The following NIPBL variants were observed in gnomAD, a reference collection of about 807,000 sequenced individuals.
NIPBL encodes nipped-B-like protein.
A neutral mutation model predicts 321.8 loss-of-function variants in NIPBL; 19 were observed. That is an observed-to-expected ratio of 0.06 (90% CI 0.04 to 0.09). The LOEUF (loss-of-function observed/expected upper bound fraction) is 0.09. Among genes scored for constraint, NIPBL ranks in the 10% least tolerant of loss-of-function variants. The pLI is 1.00. For missense variants in NIPBL, 2,210 were observed against 3,327.0 expected (o/e 0.66, Z 8.26); for synonymous variants, 1,106 against 1,114.1 (o/e 0.99, Z 0.14).
intron 36 of NIPBL, 58 bp from the exon 37 acceptor site, chr5:37,045,385 C>T: frequency 7.4e-7 from 1 of 1,343,800 alleles, no homozygotes; most frequent in Non-Finnish European, 1.0e-6. Context: ...GTAGTAATTA[C>T]TTGAACTTAG....
intron 1 of NIPBL, among the ~76,000 whole-genome samples, chr5:36,921,773 G>A (rs1748960732): frequency 1.3e-5 from 2 of 152,066 alleles, no homozygotes; most frequent in Admixed American, 6.6e-5. Context: ...AACTTTAACT[G>A]TATTGAGTTT....
At chr5:37,044,270 C>T (rs1752752801) in intron 34 of NIPBL, 77 bp from the exon 35 acceptor site, 3 of 1,349,924 alleles carry the variant, frequency 2.2e-6, no homozygotes, top group African/African-American at 1.5e-5. Flanking sequence ...CCTATTTCTG[C>T]CCCCAAATAC....
chr5:37,050,039 G>A (rs1248231462), intron 40 of NIPBL, among the ~76,000 whole-genome samples: 3 of 152,056 alleles, frequency 2.0e-5, no homozygotes, highest in Non-Finnish European at 2.9e-5. Context: ...TCATGACTCC[G>A]GGCTATTATC....
In NIPBL at chr5:37,026,281, A is replaced by T. The variant is rs587783983; in HGVS notation, c.5762A>T (p.Asn1921Ile). ...CTCTGGTTTACTCCAACTCCACACA[A>T]TGACAAAGAAGCAATGACAAGGAAA... ...QKLWFTPTPH[N>I]DKEAMTRKIL... Residue 1921 changes from asparagine to isoleucine, a missense_variant, in exon 31 of 47, where the codon AAT becomes ATT. This residue lies in a region of NIPBL where 69 missense variants were observed against 100.8 expected (regional missense o/e 0.68). Coordinates refer to ENST00000282516, the MANE Select transcript of NIPBL (RefSeq NM_133433.4). 3 of 1,612,378 alleles carry T rather than the reference A, an allele frequency of 1.9e-6. No homozygotes were observed. In the Admixed American group the frequency reaches 5.0e-5, roughly 27 times the overall value.
chr5:36,906,842 G>T (rs1217813918), intron 1 of NIPBL, among the ~76,000 whole-genome samples: 1 of 152,120 alleles, frequency 6.6e-6, no homozygotes, highest in African/African-American at 2.4e-5. Context: ...TCCTCAAGGG[G>T]AATTATTGTT....
chr5:36,958,143 T>TGAC lies in NIPBL; in HGVS notation c.271_273dup (p.Asp91dup). The TGAC allele has an allele frequency of 6.2e-7, 1 of 1,614,074 alleles. No individual in the cohort carries two copies. Among genetic ancestry groups the TGAC allele is most frequent in the South Asian group, 1.1e-5 (1 of 91,084 alleles). The stretch of plus-strand genomic sequence containing the variant: ...ACCTTGGCAGTGATGACCCAGAAGG[T>TGAC]GACATACCAGTCTTGTTGCAGGCCG... On this transcript the variant is annotated inframe_insertion, in exon 4 of 47. Transcript: ENST00000282516.
intron 43 of NIPBL, 136 bp from the exon 44 acceptor site, chr5:37,058,755 C>T: frequency 1.5e-6 from 1 of 679,304 alleles, no homozygotes. Context: ...GATTACATAT[C>T]CAGTTGTTGA....
chr5:36,970,776 CTG>C (rs1230347535), intron 6 of NIPBL, 98 bp from the exon 7 acceptor site: 1 of 1,043,622 alleles, frequency 9.6e-7, no homozygotes, highest in Non-Finnish European at 1.5e-6. Context: ...ATATTATTCT[CTG>C]TAATTTCTAT....
In NIPBL at chr5:36,985,780, A is replaced by T. The variant is rs957042582; in HGVS notation, c.2600A>T (p.Glu867Val). ...KSDSSKTDKL[E>V]RKHRHESGDS... Reference sequence around the variant, plus strand: ...GATAGTTCAAAAACTGATAAACTAGAACGAAAACACAGGCATGAATCAGGG... The same window carrying T: ...GATAGTTCAAAAACTGATAAACTAGTACGAAAACACAGGCATGAATCAGGG... The change falls in exon 10 of 47, where the codon GAA (glutamate) becomes GTA (valine). Residue 867 changes from glutamate (E) to valine (V), a missense_variant. Physicochemically the swap from Glu to Val is moderately radical, Grantham distance 121. This residue lies in a region of NIPBL where 588 missense variants were observed against 564.1 expected (regional missense o/e 1.04). Coordinates refer to ENST00000282516, the MANE Select transcript of NIPBL (RefSeq NM_133433.4). 1 of 1,613,762 alleles carries T rather than the reference A, an allele frequency of 6.2e-7. No individual in the cohort carries two copies. Among genetic ancestry groups the T allele is most frequent in the African/African-American group, 1.3e-5 (1 of 74,964 alleles).
intron 38 of NIPBL, among the ~76,000 whole-genome samples, chr5:37,047,719 C>T (rs1753127061): frequency 6.6e-6 from 1 of 152,170 alleles, no homozygotes; most frequent in African/African-American, 2.4e-5. Flanking sequence ...CCATAGTTAT[C>T]CTGAGTGACC....
chr5:37,064,735 G>A lies in NIPBL; in HGVS notation c.8258G>A (p.Arg2753His), dbSNP rs1360836577. ...AGTGGCTCCTGGACTGAGGCTAAGCGCCGTGATGGCCGCAAACTGGTGCCT... is the reference window on the plus strand; with the variant it reads ...AGTGGCTCCTGGACTGAGGCTAAGCACCGTGATGGCCGCAAACTGGTGCCT... The part of the protein sequence containing the change: ...SYSGSWTEAK[R>H]RDGRKLVPWV... The change falls in exon 47 of 47, where the codon CGC (arginine) becomes CAC (histidine). Residue 2753 changes from arginine (R) to histidine (H), a missense_variant. Arg to His is a conservative substitution (Grantham distance 29). Transcript: ENST00000282516. 11 of 1,614,044 alleles carry A rather than the reference G, an allele frequency of 6.8e-6. No individual in the cohort carries two copies. The highest frequency in any genetic ancestry group is 4.5e-5 in the East Asian group (2 of 44,900).
chr5:36,995,830 T>C (rs986138632), intron 11 of NIPBL, 26 bp downstream of exon 11: 3 of 1,590,862 alleles, frequency 1.9e-6, no homozygotes, highest in African/African-American at 1.3e-5. Flanking sequence ...CTCTTTGTTA[T>C]TATTTTAGAG....
chr5:36,891,592 T>A (rs79797233), intron 1 of NIPBL, among the ~76,000 whole-genome samples: 1 of 152,024 alleles, frequency 6.6e-6, no homozygotes, highest in African/African-American at 2.4e-5. Context: ...GAACATAGGC[T>A]GGAAAAGGGG....
At chr5:37,041,518 G>A (rs1752370582) in intron 34 of NIPBL, among the ~76,000 whole-genome samples, 1 of 151,458 alleles carries the variant, frequency 6.6e-6, no homozygotes, top group Non-Finnish European at 1.5e-5. Context: ...CCCCGCCTTG[G>A]CCTCCCAAAG....
rs1269939623 is a variant in NIPBL at position 36,970,877 on chromosome 5, A to T, written c.612A>T (p.Ala204=). The T allele has an allele frequency of 6.2e-7, 1 of 1,612,726 alleles. No homozygotes were observed. The highest frequency in any genetic ancestry group is 1.3e-5 in the African/African-American group (1 of 74,880). ...SYTTHPQMQQ[A]SVSSPIVAGG... is the part of the protein sequence containing the mutation. ...TTTTTTTATTCTTATTAATTTCAGC[A>T]TCGGTATCAAGTCCCATTGTTGCAG... The change falls in exon 7 of 47, where the codon GCA becomes GCT. Residue 204 remains alanine (A), a splice_region_variant and synonymous_variant. Coordinates refer to ENST00000282516, the MANE Select transcript of NIPBL (RefSeq NM_133433.4).
intron 9 of NIPBL, among the ~76,000 whole-genome samples, chr5:36,976,880 T>G (rs148472291): frequency 4.9e-4 from 74 of 152,188 alleles, no homozygotes; most frequent in Non-Finnish European, 8.8e-4. Flanking sequence ...GGCTTAATAA[T>G]GTCAAATTTT....
At chr5:37,063,467 G>A (rs1755020297) in intron 45 of NIPBL, among the ~76,000 whole-genome samples, 1 of 152,172 alleles carries the variant, frequency 6.6e-6, no homozygotes, top group Non-Finnish European at 1.5e-5. Flanking sequence ...TGAAAACTCT[G>A]GCTGTTTTTG....
intron 1 of NIPBL, among the ~76,000 whole-genome samples, chr5:36,950,181 T>C (rs867241591): frequency 1.3e-5 from 2 of 152,012 alleles, no homozygotes; most frequent in African/African-American, 4.8e-5. Flanking sequence ...TGTGGTGAAA[T>C]ATATACTGGA....
intron 16 of NIPBL, 59 bp from the exon 17 acceptor site, chr5:37,006,298 G>A (rs1747421368): frequency 1.1e-5 from 10 of 910,740 alleles, no homozygotes; most frequent in Admixed American, 1.7e-5. Context: ...TAATTTTAAT[G>A]TATATTTTAA....
Sources: allele counts gnomAD v4.1 joint callset (sites outside exome capture counted in the v4.1 genomes callset), GRCh38; gene constraint gnomAD v4.1.1; regional missense constraint gnomAD v4.1.1; transcripts MANE v1.5; gene names NCBI Gene and HGNC (gene_info 2026-07-23, HGNC 2026-07-21).